STMN2: variants seen among roughly 807,000 people sequenced by gnomAD.
STMN2 encodes stathmin 2.
Under a neutral mutation model 24.1 loss-of-function variants are expected in STMN2, and 2 were observed. That is an observed-to-expected ratio of 0.08 (90% confidence interval 0.03 to 0.26). STMN2 has a LOEUF of 0.26. Among genes scored for constraint, STMN2 ranks in the 10% least tolerant of loss-of-function variants. The pLI is 1.00. For synonymous variants in STMN2, 83 were observed against 77.5 expected, an observed-to-expected ratio of 1.07 and a Z score of -0.37; for missense variants, 114 against 213.6, an observed-to-expected ratio of 0.53 and a Z score of 2.91.
At chr8:79,612,826 G>A (rs907594133) in intron 1 of STMN2, among the ~76,000 whole-genome samples, 1 of 152,034 alleles carries the variant, frequency 6.6e-6, no homozygotes, top group African/African-American at 2.4e-5. Flanking sequence ...CGAGACTGGC[G>A]GGGAAGAGGA....
At chr8:79,616,763 T>G (rs1407374118) in intron 1 of STMN2, among the ~76,000 whole-genome samples, 1 of 152,234 alleles carries the variant, frequency 6.6e-6, no homozygotes, top group Non-Finnish European at 1.5e-5. Context: ...CTGGGAATTA[T>G]GTGTTCTGCC....
At chr8:79,616,307 G>A (rs552909263) in intron 1 of STMN2, among the ~76,000 whole-genome samples, 2 of 152,210 alleles carry the variant, frequency 1.3e-5, no homozygotes, top group East Asian at 1.9e-4. Flanking sequence ...TTAGAAAATC[G>A]ATGTTAATTT....
At chr8:79,652,282 G>A (rs924237202) in intron 3 of STMN2, among the ~76,000 whole-genome samples, 1 of 152,160 alleles carries the variant, frequency 6.6e-6, no homozygotes, top group South Asian at 2.1e-4. Flanking sequence ...CCCTTGTTTT[G>A]TGATAATCCA....
chr8:79,656,896 T>C (rs537257132), intron 4 of STMN2, among the ~76,000 whole-genome samples: 11,990 of 147,886 alleles, frequency 0.081, 819 homozygotes, highest in Non-Finnish European at 0.13. Flanking sequence ...TTTTTTGAGA[T>C]AGAGTCTCGC....
chr8:79,653,762 C>T (rs1810385516), intron 3 of STMN2, among the ~76,000 whole-genome samples: 1 of 152,212 alleles, frequency 6.6e-6, no homozygotes, highest in Admixed American at 6.5e-5. Flanking sequence ...CTTATAATTA[C>T]TCCTGTGAAG....
chr8:79,617,753 C>T (rs775259011), intron 1 of STMN2, among the ~76,000 whole-genome samples: 7 of 152,230 alleles, frequency 4.6e-5, no homozygotes, highest in East Asian at 1.9e-4. Context: ...AACATTTTCC[C>T]GCAATGGTGC....
Position 79,611,228 on chromosome 8 carries a change from C to T in STMN2, c.19+14C>T. 6.2e-7 allele frequency: 1 copy of T among 1,613,970 alleles called. No individual in the cohort carries two copies. The highest frequency in any genetic ancestry group is 1.1e-5 in the South Asian group (1 of 91,074). The stretch of plus-strand genomic sequence containing the variant: ...AAACAGCAATGGGTAAGGCACTGCG[C>T]CTCGTTCTCCGTCGGCTCTACCTGG... On this transcript the variant is annotated intron_variant, in intron 1 of 4. Transcript: ENST00000220876.
intron 3 of STMN2, among the ~76,000 whole-genome samples, chr8:79,650,659 G>T (rs1056852989): frequency 3.3e-5 from 5 of 152,164 alleles, no homozygotes; most frequent in Non-Finnish European, 5.9e-5. Context: ...TATCTATCTG[G>T]ATGCTACACT....
intron 1 of STMN2, among the ~76,000 whole-genome samples, chr8:79,622,221 A>G (rs981614013): frequency 2.6e-5 from 4 of 152,212 alleles, no homozygotes; most frequent in African/African-American, 9.6e-5. Context: ...TTTCTCAGTT[A>G]TGAAATGGGA....
intron 1 of STMN2, among the ~76,000 whole-genome samples, chr8:79,612,457 AAAGTCTTAAGTT>A (rs1490271627): frequency 6.6e-6 from 1 of 151,652 alleles, no homozygotes; most frequent in Non-Finnish European, 1.5e-5. Context: ...AAAAGAGGTC[AAAGTCTTAAGTT>A]AAGCCACGCG....
chr8:79,622,388 C>T (rs1237654370), intron 1 of STMN2, among the ~76,000 whole-genome samples: 2 of 152,098 alleles, frequency 1.3e-5, no homozygotes, highest in African/African-American at 2.4e-5. Context: ...AATTCTTATA[C>T]TTTGTTAATT....
At chr8:79,632,781 C>G (rs933016736) in intron 1 of STMN2, among the ~76,000 whole-genome samples, 19 of 152,088 alleles carry the variant, frequency 1.2e-4, no homozygotes, top group Admixed American at 1.2e-3. Flanking sequence ...ACAATTTTGC[C>G]TAGGATGAAT....
intron 4 of STMN2, among the ~76,000 whole-genome samples, chr8:79,660,094 C>T (rs1806470724): frequency 6.6e-6 from 1 of 152,088 alleles, no homozygotes; most frequent in Non-Finnish European, 1.5e-5. Context: ...TATAACACAA[C>T]CATTTGAGAA....
intron 3 of STMN2, among the ~76,000 whole-genome samples, chr8:79,644,731 A>G (rs753322135): frequency 6.6e-6 from 1 of 152,240 alleles, no homozygotes; most frequent in African/African-American, 2.4e-5. Context: ...AACAATTAGA[A>G]TAATTATTTA....
At chr8:79,628,489 C>T (rs1809716529) in intron 1 of STMN2, among the ~76,000 whole-genome samples, 1 of 152,142 alleles carries the variant, frequency 6.6e-6, no homozygotes, top group African/African-American at 2.4e-5. Flanking sequence ...AGCCTCCATA[C>T]TGCTTTCCAT....
intron 4 of STMN2, chr8:79,663,747 C>T (rs2130404555): frequency 9.0e-7 from 1 of 1,117,110 alleles, no homozygotes. Flanking sequence ...TATTTAGCGC[C>T]TATGATATAT....
chr8:79,643,149 G>GTGTATATATATATA (rs764308760), intron 3 of STMN2, among the ~76,000 whole-genome samples: 1 of 140,108 alleles, frequency 7.1e-6, no homozygotes, highest in Non-Finnish European at 1.5e-5. Context: ...ATGTGTGTGT[G>GTGTATATATATATA]TATATATATA....
intron 1 of STMN2, among the ~76,000 whole-genome samples, chr8:79,628,431 G>A (rs1809713838): frequency 6.6e-6 from 1 of 152,136 alleles, no homozygotes; most frequent in South Asian, 2.1e-4. Flanking sequence ...GATTACAGGT[G>A]TGAGCCACCA....
chr8:79,664,694 G>A, intron 4 of STMN2, 121 bp from the exon 5 acceptor site: 1 of 815,470 alleles, frequency 1.2e-6, no homozygotes, highest in African/African-American at 1.8e-5. Context: ...TTTTCCTTCT[G>A]AAATGGGAAA....
Sources: allele counts gnomAD v4.1 joint callset (sites outside exome capture counted in the v4.1 genomes callset), GRCh38; gene constraint gnomAD v4.1.1; transcripts MANE v1.5; gene names NCBI Gene and HGNC (gene_info 2026-07-23, HGNC 2026-07-21).